The following RPH3A variants were observed in gnomAD, a reference collection of about 807,000 sequenced individuals.
RPH3A encodes rabphilin-3A.
A neutral mutation model predicts 102.2 loss-of-function variants in RPH3A; 48 were observed. That is an observed-to-expected ratio of 0.47 (90% CI 0.37 to 0.60). RPH3A has a LOEUF of 0.60. RPH3A is among the 20% of genes least tolerant of loss of function. The pLI, the probability that RPH3A is intolerant of heterozygous loss-of-function variation, is 0.00. For synonymous variants in RPH3A, 310 were observed against 324.3 expected, an observed-to-expected ratio of 0.96 and a Z score of 0.47; for missense variants, 781 against 910.1, an observed-to-expected ratio of 0.86 and a Z score of 1.83.
intron 1 of RPH3A, among the ~76,000 whole-genome samples, chr12:112,687,054 G>A (rs143592728): frequency 5.3e-4 from 81 of 152,336 alleles, no homozygotes; most frequent in African/African-American, 1.9e-3. Context: ...GTTCGGGGGT[G>A]CAGTGAACTA....
intron 1 of RPH3A, among the ~76,000 whole-genome samples, chr12:112,640,561 T>C (rs1373795382): frequency 6.6e-6 from 1 of 151,974 alleles, no homozygotes; most frequent in Non-Finnish European, 1.5e-5. Flanking sequence ...GGCCATTCGA[T>C]GTCCAGTAAA....
intron 1 of RPH3A, among the ~76,000 whole-genome samples, chr12:112,782,124 C>T (rs1307416963): frequency 6.6e-6 from 1 of 152,224 alleles, no homozygotes; most frequent in East Asian, 1.9e-4. Flanking sequence ...ATACTCTGTT[C>T]CTGTCCCATG....
At chr12:112,790,020 C>T (rs1355417207), upstream of RPH3A, among the ~76,000 whole-genome samples, 1 of 151,836 alleles carries the variant, frequency 6.6e-6, no homozygotes, top group Non-Finnish European at 1.5e-5. Flanking sequence ...GATTGCACCA[C>T]TGCGCTCCAG....
At chr12:112,775,643 G>T (rs1186393722) in intron 1 of RPH3A, among the ~76,000 whole-genome samples, 2 of 152,160 alleles carry the variant, frequency 1.3e-5, no homozygotes, top group Non-Finnish European at 2.9e-5. Flanking sequence ...GACAGGAAAG[G>T]CAGGGGAGGG....
intron 2 of RPH3A, among the ~76,000 whole-genome samples, chr12:112,815,958 G>A (rs754776468): frequency 1.3e-5 from 2 of 152,164 alleles, no homozygotes; most frequent in South Asian, 2.1e-4. Context: ...GAGCCCTGAA[G>A]AGTGTTCTGT....
intron 13 of RPH3A, 71 bp from the exon 14 acceptor site, chr12:112,879,048 T>G: frequency 7.5e-7 from 1 of 1,330,752 alleles, no homozygotes; most frequent in South Asian, 1.2e-5. Context: ...GGGCATATAG[T>G]AAGTGTTCAG....
chr12:112,730,374 G>T (rs1198557555), intron 1 of RPH3A, among the ~76,000 whole-genome samples: 1 of 152,236 alleles, frequency 6.6e-6, no homozygotes, highest in Non-Finnish European at 1.5e-5. Flanking sequence ...ATCAGGGGTA[G>T]CCTCAGCTGC....
chr12:112,583,592 C>T (rs1252322017), intron 1 of RPH3A, among the ~76,000 whole-genome samples: 1 of 152,188 alleles, frequency 6.6e-6, no homozygotes, highest in Non-Finnish European at 1.5e-5. Context: ...GCATTAAAAG[C>T]CAGGAGACTT....
At chr12:112,678,009 G>A (rs958145135) in intron 1 of RPH3A, among the ~76,000 whole-genome samples, 3 of 151,632 alleles carry the variant, frequency 2.0e-5, no homozygotes, top group Admixed American at 6.6e-5. Context: ...TGGCCAACAT[G>A]GTGAAACCCT....
chr12:112,816,087 A>T (rs752899381), intron 2 of RPH3A, among the ~76,000 whole-genome samples: 2 of 152,162 alleles, frequency 1.3e-5, no homozygotes, highest in Non-Finnish European at 2.9e-5. Flanking sequence ...CGCCTCAGGA[A>T]GGTCAATCCT....
chr12:112,736,512 C>G (rs749944828), intron 1 of RPH3A, among the ~76,000 whole-genome samples: 3 of 152,162 alleles, frequency 2.0e-5, no homozygotes, highest in Non-Finnish European at 4.4e-5. Flanking sequence ...TTGGTGAACA[C>G]ATGGAGAAAT....
intron 1 of RPH3A, among the ~76,000 whole-genome samples, chr12:112,777,995 G>T (rs964140345): frequency 2.6e-5 from 4 of 152,132 alleles, no homozygotes; most frequent in African/African-American, 9.7e-5. Flanking sequence ...CTTCCATATG[G>T]GAGGCACCAG....
At chr12:112,785,187 A>C (rs1281718643) in intron 1 of RPH3A, among the ~76,000 whole-genome samples, 1 of 150,478 alleles carries the variant, frequency 6.6e-6, no homozygotes, top group Admixed American at 6.7e-5. Context: ...GCGCCATTGA[A>C]CTCCAGCCTG....
intron 1 of RPH3A, among the ~76,000 whole-genome samples, chr12:112,719,480 G>C (rs1234128637): frequency 6.6e-6 from 1 of 152,168 alleles, no homozygotes; most frequent in South Asian, 2.1e-4. Context: ...CATTTTGAGA[G>C]CACCATTTAT....
intron 4 of RPH3A, among the ~76,000 whole-genome samples, chr12:112,839,606 A>C (rs2042109561): frequency 6.6e-6 from 1 of 152,328 alleles, no homozygotes; most frequent in Admixed American, 6.5e-5. Flanking sequence ...CTTTGGAGGC[A>C]TTGCCTCTGG....
chr12:112,872,746 G>A (rs535874113), intron 10 of RPH3A, among the ~76,000 whole-genome samples: 7 of 152,164 alleles, frequency 4.6e-5, no homozygotes, highest in East Asian at 3.9e-4. Context: ...TGCTTTTAAC[G>A]TCTATATTAT....
intron 1 of RPH3A, among the ~76,000 whole-genome samples, chr12:112,744,185 C>T (rs2040728400): frequency 6.6e-6 from 1 of 152,170 alleles, no homozygotes; most frequent in South Asian, 2.1e-4. Context: ...AAGCAATTCT[C>T]ATGCCCCAGC....
At position 112,809,869 on chromosome 12, in the gene RPH3A, G is replaced by T. The variant is rs2041537982; in HGVS notation, c.-19+17606G>T. On this transcript the variant is annotated intron_variant, in intron 2 of 21. Coordinates refer to ENST00000389385, the MANE Select transcript of RPH3A (RefSeq NM_001143854.2). ...TGTCTCCAGAAACATGGAGTGAAGTGCCTCAGGGCGGAGTTGAACATCACC... is the reference window on the plus strand; with the variant it reads ...TGTCTCCAGAAACATGGAGTGAAGTTCCTCAGGGCGGAGTTGAACATCACC... 1.3e-5 allele frequency among the ~76,000 whole-genome samples: 2 copies of T among 152,282 alleles called. 1 individual carries two copies. The highest frequency in any genetic ancestry group is 4.8e-5 in the African/African-American group (2 of 41,558).
chr12:112,796,120 C>T (rs115413512), intron 2 of RPH3A, among the ~76,000 whole-genome samples: 31 of 152,312 alleles, frequency 2.0e-4, no homozygotes, highest in African/African-American at 7.5e-4. Flanking sequence ...ATGACTCCCT[C>T]TCTGTTTGGC....
Sources: allele counts gnomAD v4.1 joint callset (sites outside exome capture counted in the v4.1 genomes callset), GRCh38; gene constraint gnomAD v4.1.1; transcripts MANE v1.5; gene names NCBI Gene and HGNC (gene_info 2026-07-23, HGNC 2026-07-21).